The following PCDHGB5 variants were observed in gnomAD, a reference collection of about 807,000 sequenced individuals.
The protein encoded by PCDHGB5 is protocadherin gamma subfamily B, 5.
In PCDHGB5, 48 loss-of-function variants were observed where a neutral mutation model predicts 62.9. The observed-to-expected ratio is 0.76, with a 90% confidence interval of 0.61 to 0.97. The LOEUF is 0.97. PCDHGB5 is among the 50% of genes least tolerant of loss of function. PCDHGB5 has a pLI of 0.00. For missense variants in PCDHGB5, 1,118 were observed against 1,198.6 expected (o/e 0.93, Z 0.99); for synonymous variants, 474 against 511.2 (o/e 0.93, Z 0.98).
chr5:141,403,553 G>T, intron 1 of PCDHGB5: 6 of 1,613,980 alleles, frequency 3.7e-6, no homozygotes, highest in Non-Finnish European at 5.1e-6. Flanking sequence ...GCGCGCCCTG[G>T]ACAGGGAGGA....
In PCDHGB5 at chr5:141,477,116, G is replaced by A. The variant is rs771557201; in HGVS notation, c.2398-17691G>A. ...AGACAAGGGCGCCAATCCCGAAGGA[G>A]CACATTGCAAAGTGTTGGTGGAGGT... On this transcript the variant is annotated intron_variant, in intron 1 of 3. Transcript: ENST00000617380. This position sits in a 1 kb window ranked among gnomAD's most constrained non-coding sequence, Gnocchi z 4.9. 1 of 1,614,252 alleles carries A rather than the reference G, an allele frequency of 6.2e-7. No homozygotes were observed. The highest frequency in any genetic ancestry group is 8.5e-7 in the Non-Finnish European group (1 of 1,180,052).
At chr5:141,416,761 C>G (rs1371541017) in intron 1 of PCDHGB5, 2 of 152,140 alleles carry the variant, frequency 1.3e-5, no homozygotes, top group Non-Finnish European at 2.9e-5. Context: ...AGGTAGATCT[C>G]TTAATTTTAT....
intron 2 of PCDHGB5, among the ~76,000 whole-genome samples, chr5:141,498,404 C>T (rs1283586713): frequency 6.6e-6 from 1 of 152,104 alleles, no homozygotes; most frequent in African/African-American, 2.4e-5. Context: ...AGGGAGTTTT[C>T]TCTTTGCTGG....
chr5:141,428,423 G>C (rs939814279), intron 1 of PCDHGB5: 1 of 440,550 alleles, frequency 2.3e-6, no homozygotes, highest in Non-Finnish European at 4.3e-6. Flanking sequence ...CCTGGTCTCT[G>C]TTCTAAGACT....
At chr5:141,460,425 G>A (rs953425058) in intron 1 of PCDHGB5, among the ~76,000 whole-genome samples, 3 of 152,114 alleles carry the variant, frequency 2.0e-5, no homozygotes. Flanking sequence ...TATGTATGGT[G>A]TATGGTGTGA....
intron 1 of PCDHGB5, among the ~76,000 whole-genome samples, chr5:141,481,478 T>C (rs2099538352): frequency 6.6e-6 from 1 of 152,232 alleles, no homozygotes; most frequent in African/African-American, 2.4e-5. Context: ...GATTATACAC[T>C]TTAAATATGT....
intron 1 of PCDHGB5, among the ~76,000 whole-genome samples, chr5:141,482,875 C>T (rs2099573976): frequency 6.6e-6 from 1 of 151,958 alleles, no homozygotes; most frequent in African/African-American, 2.4e-5. Context: ...AGTTTGAAAC[C>T]AGCCTGGCCA....
intron 1 of PCDHGB5, chr5:141,421,202 C>A: frequency 1.3e-6 from 2 of 1,519,344 alleles, no homozygotes; most frequent in Non-Finnish European, 1.8e-6. Flanking sequence ...CTCGAGAAAC[C>A]GCGGAATATC....
chr5:141,415,815 A>G, intron 1 of PCDHGB5: 1 of 1,337,656 alleles, frequency 7.5e-7, no homozygotes, highest in East Asian at 2.7e-5. Context: ...AGGCCTATAT[A>G]TCATAAGGCT....
At position 141,419,268 on chromosome 5, in the gene PCDHGB5, C is replaced by T. The variant is rs1240259934; in HGVS notation, c.2397+18744C>T. 6.2e-6 allele frequency: 10 copies of T among 1,614,050 alleles called. No homozygotes were observed. The East Asian group carries it at 2.2e-4, about 36-fold the overall frequency. ...CCAGAAAACAACCAGCCGGGTGCCT[C>T]CATAGCGCAAGTCAGTGCCTCTGAC... is the stretch of plus-strand genomic sequence containing the variant. On this transcript the variant is annotated intron_variant, in intron 1 of 3. Transcript: ENST00000617380.
At position 141,431,052 on chromosome 5, in the gene PCDHGB5, G is replaced by A. The variant is rs148326556; in HGVS notation, c.2397+30528G>A. On this transcript the variant is annotated intron_variant, in intron 1 of 3. Transcript: ENST00000617380. The surrounding 1 kb of genome is among the most constrained non-coding windows in gnomAD (Gnocchi z 4.8). Reference sequence around the variant, plus strand: ...ATAGACCGGGAGGAGCTCTGTATGGGGGCCATCAAGTGTCAATTAAATCTA... The same window carrying A: ...ATAGACCGGGAGGAGCTCTGTATGGAGGCCATCAAGTGTCAATTAAATCTA... 2 of 1,614,228 alleles carry A rather than the reference G, an allele frequency of 1.2e-6. No individual in the cohort carries two copies. The highest frequency in any genetic ancestry group is 1.7e-6 in the Non-Finnish European group (2 of 1,180,044).
At chr5:141,407,889 G>T (rs1378600394) in intron 1 of PCDHGB5, 1 of 389,100 alleles carries the variant, frequency 2.6e-6, no homozygotes, top group Non-Finnish European at 4.6e-6. Context: ...TTCGGAGACC[G>T]AATTCAAAAT....
intron 3 of PCDHGB5, 125 bp downstream of exon 3, chr5:141,505,606 C>G: frequency 6.5e-7 from 1 of 1,528,642 alleles, no homozygotes; most frequent in Non-Finnish European, 8.8e-7. Flanking sequence ...TTCGGCAGGT[C>G]TGAAAGGACC....
At position 141,409,894 on chromosome 5, in the gene PCDHGB5, C is replaced by A. The variant is rs1440813020; in HGVS notation, c.2397+9370C>A. The A allele has an allele frequency of 2.5e-6, 4 of 1,613,196 alleles. No homozygotes were observed. In the Admixed American group the frequency reaches 5.0e-5, roughly 20 times the overall value. ...ATGACAACGCACCGCGGGTGCTGTACCCAGCTCTGGGTCCTGACGGCTCCG... is the reference window on the plus strand; with the variant it reads ...ATGACAACGCACCGCGGGTGCTGTAACCAGCTCTGGGTCCTGACGGCTCCG... On this transcript the variant is annotated intron_variant, in intron 1 of 3. Transcript: ENST00000617380.
At chr5:141,483,812 A>C (rs1188806533) in intron 1 of PCDHGB5, among the ~76,000 whole-genome samples, 2 of 152,162 alleles carry the variant, frequency 1.3e-5, no homozygotes, top group Non-Finnish European at 2.9e-5. Context: ...TTTTTTTGGC[A>C]GCCAGTGTAA....
At chr5:141,462,415 C>G (rs998182982) in intron 1 of PCDHGB5, among the ~76,000 whole-genome samples, 2 of 152,092 alleles carry the variant, frequency 1.3e-5, no homozygotes, top group Non-Finnish European at 2.9e-5. Context: ...AGAATATGGT[C>G]TATCTTGGTG....
At chr5:141,471,302 C>T (rs111827070) in intron 1 of PCDHGB5, 9,302 of 152,168 alleles carry the variant, frequency 0.061, 339 homozygotes, top group South Asian at 0.12. Flanking sequence ...CCACCCAACT[C>T]GGCCTCCCAA....
Position 141,418,737 on chromosome 5 carries a change from C to T in PCDHGB5, c.2397+18213C>T, listed in dbSNP as rs768683069. 7.4e-6 allele frequency: 12 copies of T among 1,613,960 alleles called. No homozygotes were observed. The South Asian group carries it at 1.3e-4, about 18-fold the overall frequency. ...GCTGACAAAGCTCAGCACGTGTTCT[C>T]TCTGGATTACACTACAGGAAACATT... On this transcript the variant is annotated intron_variant, in intron 1 of 3. Coordinates refer to ENST00000617380, the MANE Select transcript of PCDHGB5 (RefSeq NM_018925.3).
In PCDHGB5 at chr5:141,485,308, A is replaced by G; in HGVS notation, c.2398-9499A>G. On this transcript the variant is annotated intron_variant, in intron 1 of 3. Coordinates refer to ENST00000617380, the MANE Select transcript of PCDHGB5 (RefSeq NM_018925.3). The surrounding 1 kb of genome is among the most constrained non-coding windows in gnomAD (Gnocchi z 5.7). ...AGGAGTCACAGGAAGGGACTTTTGTAGGGAATGTCGCTCAAGATTTCCTGC... is the reference window on the plus strand; with the variant it reads ...AGGAGTCACAGGAAGGGACTTTTGTGGGGAATGTCGCTCAAGATTTCCTGC... 6.2e-7 allele frequency: 1 copy of G among 1,614,112 alleles called. No individual in the cohort carries two copies. The highest frequency in any genetic ancestry group is 8.5e-7 in the Non-Finnish European group (1 of 1,179,996).
Sources: allele counts gnomAD v4.1 joint callset (sites outside exome capture counted in the v4.1 genomes callset), GRCh38; gene constraint gnomAD v4.1.1; non-coding constraint Gnocchi (gnomAD v3.1); transcripts MANE v1.5; gene names NCBI Gene and HGNC (gene_info 2026-07-23, HGNC 2026-07-21).